Variants in ZER1 observed in about 807,000 individuals in gnomAD.
ZER1 encodes protein zer-1 homolog.
A neutral mutation model predicts 78.8 loss-of-function variants in ZER1; 11 were observed. That is an observed-to-expected ratio of 0.14 (90% CI 0.09 to 0.23). ZER1 has a LOEUF of 0.23. Among genes scored for constraint, ZER1 ranks in the 10% least tolerant of loss-of-function variants. The pLI is 1.00. For synonymous variants in ZER1, 400 were observed against 407.0 expected (o/e 0.98, Z 0.21); for missense variants, 588 against 996.9 (o/e 0.59, Z 5.52).
chr9:128,767,737 C>T (rs1348232693), intron 1 of ZER1, among the ~76,000 whole-genome samples: 1 of 152,190 alleles, frequency 6.6e-6, no homozygotes, highest in Non-Finnish European at 1.5e-5. Context: ...TTCCACGAGC[C>T]TCCGCCGCTT....
rs549522317 is a variant in ZER1 at position 128,747,482 on chromosome 9, A to G, written c.1359+3134T>C. On this transcript the variant is annotated intron_variant, in intron 8 of 15. Transcript: ENST00000291900. ...TGAACATATGCTGGTGTCAGCAGTC[A>G]TGAAAGTGAGCCTTAACACCAGCTG... Among the ~76,000 whole-genome samples the G allele has an allele frequency of 5.3e-5, 8 of 152,330 alleles. No individual in the cohort carries two copies. The East Asian group carries it at 1.5e-3, about 29-fold the overall frequency.
In ZER1 at chr9:128,753,206, G is replaced by T; in HGVS notation, c.704C>A (p.Ser235Tyr). Reference protein sequence around the residue: ...VSLVLYNMDLSDDHIRVIVQL... With the variant: ...VSLVLYNMDLYDDHIRVIVQL... ...CACGATGACCCGGATGTGGTCGTCG[G>T]ACAGGTCCATGTTGTAGAGGACGAG... is the stretch of plus-strand genomic sequence containing the variant. Residue 235 changes from serine to tyrosine, a missense_variant, in exon 4 of 16, where the codon TCC (serine) becomes TAC (tyrosine). This residue lies in a region of ZER1 where 406 missense variants were observed against 660.1 expected (regional missense o/e 0.62). Transcript: ENST00000291900. This position sits in a 1 kb window ranked among gnomAD's most constrained non-coding sequence, Gnocchi z 7.5. 6.3e-7 allele frequency: 1 copy of T among 1,576,458 alleles called. No individual in the cohort carries two copies. Among genetic ancestry groups the T allele is most frequent in the South Asian group, 1.2e-5 (1 of 86,456 alleles).
intron 13 of ZER1, among the ~76,000 whole-genome samples, chr9:128,736,736 G>A (rs1242327856): frequency 6.8e-6 from 1 of 147,990 alleles, no homozygotes; most frequent in Non-Finnish European, 1.5e-5. Flanking sequence ...GCAGTGGCAT[G>A]ATCACAGCTC....
intron 1 of ZER1, among the ~76,000 whole-genome samples, chr9:128,756,306 C>T (rs1285445320): frequency 6.6e-6 from 1 of 152,058 alleles, no homozygotes; most frequent in South Asian, 2.1e-4. Flanking sequence ...ATTAGCCGGG[C>T]GTGGTGGCGG....
chr9:128,739,824 A>C, intron 13 of ZER1, 107 bp downstream of exon 13: 1 of 1,362,124 alleles, frequency 7.3e-7, no homozygotes, highest in Non-Finnish European at 1.0e-6. Flanking sequence ...CCTACAGAAG[A>C]CCAGAAGGAA....
rs2132455668 is a variant in ZER1 at position 128,755,327 on chromosome 9, C to A, written c.158+81G>T. 2 of 1,567,862 alleles carry A rather than the reference C, an allele frequency of 1.3e-6. No homozygotes were observed. Among genetic ancestry groups the A allele is most frequent in the South Asian group, 1.2e-5 (1 of 86,896 alleles). ...CATTCATCTCCATAGCTACTCCCCA[C>A]ATAGTGCACACACGGTCCCAATCTC... On this transcript the variant is annotated intron_variant, in intron 2 of 15. Transcript: ENST00000291900. The surrounding 1 kb of genome is among the most constrained non-coding windows in gnomAD (Gnocchi z 5.6).
At chr9:128,743,818 C>G (rs1312599082) in intron 8 of ZER1, among the ~76,000 whole-genome samples, 1 of 151,886 alleles carries the variant, frequency 6.6e-6, no homozygotes, top group East Asian at 1.9e-4. Flanking sequence ...GCAACCTCCC[C>G]CTCCCGGGCT....
chr9:128,753,097 C>A lies in ZER1; in HGVS notation c.746+67G>T. 1 of 1,436,786 alleles carries A rather than the reference C, an allele frequency of 7.0e-7. No homozygotes were observed. The highest frequency in any genetic ancestry group is 9.2e-7 in the Non-Finnish European group (1 of 1,085,160). The allele number at this position is 1,436,786 out of a possible 1,614,324, so 89.0% of individuals were successfully genotyped here. On this transcript the variant is annotated intron_variant, in intron 4 of 15. Transcript: ENST00000291900. The surrounding 1 kb of genome is among the most constrained non-coding windows in gnomAD (Gnocchi z 7.5). Reference sequence around the variant, plus strand: ...CCTGAACCCTGAGGGCGTGACAACACCCACCTCTACTCCTCCCCACCTGCC... The same window carrying A: ...CCTGAACCCTGAGGGCGTGACAACAACCACCTCTACTCCTCCCCACCTGCC...
intron 1 of ZER1, among the ~76,000 whole-genome samples, chr9:128,763,911 C>T (rs180942919): frequency 6.0e-4 from 91 of 151,980 alleles, no homozygotes; most frequent in Admixed American, 3.4e-3. Context: ...TGCTTGAACC[C>T]GGGAGGCGGA....
At position 128,739,956 on chromosome 9, in the gene ZER1, T is replaced by C; in HGVS notation, c.2017A>G (p.Asn673Asp). The C allele has an allele frequency of 6.2e-7, 1 of 1,611,020 alleles. No individual in the cohort carries two copies. Among genetic ancestry groups the C allele is most frequent in the Non-Finnish European group, 8.5e-7 (1 of 1,177,412 alleles). Residue 673 changes from asparagine (N) to aspartate (D), a missense_variant, in exon 13 of 16, where the codon AAC (asparagine) becomes GAC (aspartate). Coordinates refer to ENST00000291900, the MANE Select transcript of ZER1 (RefSeq NM_006336.4). Reference protein sequence around the residue: ...MWAAIQSWDINSRRNINYRSF... With the variant: ...MWAAIQSWDIDSRRNINYRSF... The stretch of plus-strand genomic sequence containing the variant: ...CTGTAATTGATGTTTCTCCGAGAGT[T>C]TATGTCCCAGCTCTGGATGGCAGCC...
chr9:128,749,603 C>T (rs562185698), intron 8 of ZER1, among the ~76,000 whole-genome samples: 174 of 150,984 alleles, frequency 1.2e-3, no homozygotes, highest in Non-Finnish European at 2.1e-3. Context: ...GGCAAAACCC[C>T]GTCTCTACTA....
In ZER1 at chr9:128,751,655, TGTTTTTAATGGTAGG is replaced by T; in HGVS notation, c.924-143_924-129del. On this transcript the variant is annotated intron_variant, in intron 5 of 15. Transcript: ENST00000291900. This position sits in a 1 kb window ranked among gnomAD's most constrained non-coding sequence, Gnocchi z 5.4. The stretch of plus-strand genomic sequence containing the variant: ...CTCCAACCTCATCCCCTACTCCTTT[TGTTTTTAATGGTAGG>T]GGACATAAGCACCACCTCCTGATGG... 1 of 716,542 alleles carries T rather than the reference TGTTTTTAATGGTAGG, an allele frequency of 1.4e-6. No homozygotes were observed. Among genetic ancestry groups the T allele is most frequent in the Non-Finnish European group, 2.3e-6 (1 of 426,000 alleles). 44.4% of individuals were successfully genotyped at this position (716,542 alleles called of 1,614,324 possible). A position where few individuals can be genotyped will look rare whatever the true frequency, so the allele number is the denominator to read the frequency against.
chr9:128,742,829 T>C, intron 8 of ZER1, 84 bp from the exon 9 acceptor site: 2 of 1,386,502 alleles, frequency 1.4e-6, no homozygotes, highest in Non-Finnish European at 1.9e-6. Context: ...AGGTATGAGC[T>C]CATCCAGAGT....
intron 1 of ZER1, among the ~76,000 whole-genome samples, chr9:128,768,934 G>T (rs1864298673): frequency 6.6e-6 from 1 of 152,030 alleles, no homozygotes; most frequent in Non-Finnish European, 1.5e-5. Flanking sequence ...ATGGAAATTT[G>T]CTGGGCTCAT....
intron 1 of ZER1, among the ~76,000 whole-genome samples, chr9:128,766,914 G>C (rs979772786): frequency 6.8e-5 from 9 of 132,160 alleles, no homozygotes; most frequent in African/African-American, 2.6e-4. Flanking sequence ...CAAAGTCACA[G>C]ATAACTTATT....
At chr9:128,757,535 G>C (rs1863897356) in intron 1 of ZER1, among the ~76,000 whole-genome samples, 1 of 151,244 alleles carries the variant, frequency 6.6e-6, no homozygotes, top group Non-Finnish European at 1.5e-5. Context: ...AAAAAAAAAA[G>C]AGTGAAAGAT....
chr9:128,749,497 G>A (rs1028846422), intron 8 of ZER1, among the ~76,000 whole-genome samples: 2 of 151,956 alleles, frequency 1.3e-5, no homozygotes, highest in African/African-American at 2.4e-5. Context: ...TATGTTGGCT[G>A]GGTGTGGTGG....
chr9:128,769,900 A>G (rs927647658), intron 1 of ZER1, among the ~76,000 whole-genome samples: 3 of 152,214 alleles, frequency 2.0e-5, no homozygotes, highest in Non-Finnish European at 2.9e-5. Flanking sequence ...CCCAAGCACA[A>G]TGGCCATTTG....
chr9:128,768,015 C>T (rs1383051727), intron 1 of ZER1, among the ~76,000 whole-genome samples: 1 of 152,128 alleles, frequency 6.6e-6, no homozygotes, highest in Admixed American at 6.6e-5. Context: ...CTGTGTTGCG[C>T]GTGTTGTGAA....
Sources: allele counts gnomAD v4.1 joint callset (sites outside exome capture counted in the v4.1 genomes callset), GRCh38; gene constraint gnomAD v4.1.1; regional missense constraint gnomAD v4.1.1; non-coding constraint Gnocchi (gnomAD v3.1); transcripts MANE v1.5; gene names NCBI Gene and HGNC (gene_info 2026-07-23, HGNC 2026-07-21).